Variants in CD99L2 observed in about 807,000 individuals in gnomAD.
CD99L2 encodes the protein CD99 antigen-like protein 2.
Under a neutral mutation model 27.3 loss-of-function variants are expected in CD99L2, and 24 were observed. The observed-to-expected ratio is 0.88, with a 90% CI of 0.64 to 1.24. The LOEUF (loss-of-function observed/expected upper bound fraction) is 1.24, where lower values mean the gene tolerates loss of function less well. Ranked by LOEUF, CD99L2 falls within the 50% of genes most tolerant of loss-of-function variation. The pLI, the probability that CD99L2 is intolerant of heterozygous loss-of-function variation, is 0.00. For missense variants in CD99L2, 255 were observed against 221.6 expected, an observed-to-expected ratio of 1.15 and a Z score of -0.96; for synonymous variants, 97 against 87.9, an observed-to-expected ratio of 1.10 and a Z score of -0.58.
intron 7 of CD99L2, among the ~76,000 whole-genome samples, chrX:150,779,159 C>T (rs1557419385): frequency 8.9e-6 from 1 of 112,120 alleles, no homozygotes; most frequent in African/African-American, 3.3e-5. Flanking sequence ...CACAAGACTG[C>T]GGAGCAACAG....
chrX:150,884,380 T>G (rs1252925573), intron 1 of CD99L2, among the ~76,000 whole-genome samples: 2 of 111,731 alleles, frequency 1.8e-5, no homozygotes, highest in African/African-American at 6.5e-5. Flanking sequence ...ATCCTAGGAT[T>G]AATATATAAG....
intron 7 of CD99L2, among the ~76,000 whole-genome samples, chrX:150,785,543 G>A (rs188590474): frequency 9.0e-5 from 10 of 110,728 alleles, no homozygotes; most frequent in East Asian, 2.9e-4. Context: ...AATCTTCCAC[G>A]TACCAGTGGA....
At chrX:150,816,666 A>C (rs2124185899) in intron 2 of CD99L2, among the ~76,000 whole-genome samples, 1 of 110,387 alleles carries the variant, frequency 9.1e-6, no homozygotes, top group Admixed American at 9.7e-5. Context: ...AGAACTAGAA[A>C]TACCATTTGA....
At chrX:150,845,003 G>T (rs782674666) in intron 1 of CD99L2, among the ~76,000 whole-genome samples, 27 of 112,424 alleles carry the variant, frequency 2.4e-4, no homozygotes, top group Non-Finnish European at 4.5e-4. Context: ...TATGTAGCAG[G>T]TTGCTTAATT....
At chrX:150,780,930 C>T (rs1603287432) in intron 7 of CD99L2, among the ~76,000 whole-genome samples, 1 of 112,181 alleles carries the variant, frequency 8.9e-6, no homozygotes, top group Non-Finnish European at 1.9e-5. Flanking sequence ...GTTGGCACAA[C>T]CTTAATGGAA....
At chrX:150,791,916 T>C (rs1569565907) in intron 7 of CD99L2, among the ~76,000 whole-genome samples, 2 of 111,659 alleles carry the variant, frequency 1.8e-5, no homozygotes, top group Non-Finnish European at 3.8e-5. Context: ...CACTCCAAAA[T>C]GTAGCTGAAT....
intron 6 of CD99L2, among the ~76,000 whole-genome samples, chrX:150,794,427 G>A (rs1292032910): frequency 1.8e-5 from 2 of 112,015 alleles, no homozygotes; most frequent in African/African-American, 3.3e-5. Context: ...GGAAACAGTG[G>A]GATAATAAAT....
chrX:150,779,643 C>T (rs954920690), intron 7 of CD99L2, among the ~76,000 whole-genome samples: 1 of 112,261 alleles, frequency 8.9e-6, no homozygotes, highest in African/African-American at 3.2e-5. Context: ...GCACACTGTG[C>T]AAAAGATGGT....
rs781892026 is a variant in CD99L2 at position 150,776,297 on chromosome X, C to T, written c.536-4G>A. The T allele has an allele frequency of 5.8e-6, 7 of 1,199,204 alleles. No individual in the cohort carries two copies. The highest frequency in any genetic ancestry group is 6.7e-6 in the Non-Finnish European group (6 of 889,757). On this transcript the variant is annotated splice_polypyrimidine_tract_variant and splice_region_variant and intron_variant, in intron 8 of 10. Coordinates refer to ENST00000370377, the MANE Select transcript of CD99L2 (RefSeq NM_031462.4). ...GTGCCAGGCTCTGCCACCATGCCTG[C>T]GTGAAGAAGGGGGAGAAATGAGGAC...
intron 1 of CD99L2, among the ~76,000 whole-genome samples, chrX:150,838,391 T>C (rs73609598): frequency 0.092 from 10,206 of 111,501 alleles, 663 homozygotes; most frequent in African/African-American, 0.23. Context: ...CTATATTGGT[T>C]CATTAACTGT....
chrX:150,815,637 G>C (rs1477010517), intron 3 of CD99L2, among the ~76,000 whole-genome samples: 1 of 112,334 alleles, frequency 8.9e-6, no homozygotes. Context: ...ACTGAAAGAT[G>C]ACACTGTAAA....
intron 1 of CD99L2, among the ~76,000 whole-genome samples, chrX:150,893,366 C>G (rs2047551473): frequency 1.8e-5 from 2 of 109,887 alleles, no homozygotes; most frequent in South Asian, 7.9e-4. Flanking sequence ...CTCGGGCAGG[C>G]AGGGTTAAGC....
At chrX:150,856,569 A>AAATAATAAT (rs10564205) in intron 1 of CD99L2, among the ~76,000 whole-genome samples, 5,670 of 98,602 alleles carry the variant, frequency 0.058, 163 homozygotes, top group South Asian at 0.11. Context: ...AGCCAGGCTA[A>AAATAATAAT]AATAATAATA....
At chrX:150,845,951 G>C (rs781834889) in intron 1 of CD99L2, among the ~76,000 whole-genome samples, 2 of 111,940 alleles carry the variant, frequency 1.8e-5, no homozygotes, top group Non-Finnish European at 3.8e-5. Flanking sequence ...AGCACTTTGG[G>C]AGACTGAGGC....
At chrX:150,831,372 T>A (rs1022911699) in intron 1 of CD99L2, 79 bp from the exon 2 acceptor site, 19 of 845,257 alleles carry the variant, frequency 2.2e-5, no homozygotes, top group Admixed American at 2.9e-5. Context: ...AATGGTCATT[T>A]CCCTTTAGAA....
At position 150,767,288 on chromosome X, in the gene CD99L2, CCTTA is replaced by C. The variant is rs1557418692; in HGVS notation, c.*1742_*1745del. 3 of 112,069 alleles carry C rather than the reference CCTTA, an allele frequency of 2.7e-5. No individual in the cohort carries two copies. The highest frequency in any genetic ancestry group is 9.8e-5 in the African/African-American group (3 of 30,733). The allele number at this position is 112,069 out of a possible 1,213,427, so 9.2% of individuals were successfully genotyped here. A position where few individuals can be genotyped will look rare whatever the true frequency, so the allele number is the denominator to read the frequency against. ...AGGCCAATCCTGCAAGCCACCCCAC[CCTTA>C]CTAACTTCCTGAAGCATGGGAAGCT... On this transcript the variant is annotated 3_prime_UTR_variant, in exon 11 of 11. Coordinates refer to ENST00000370377, the MANE Select transcript of CD99L2 (RefSeq NM_031462.4).
intron 1 of CD99L2, among the ~76,000 whole-genome samples, chrX:150,897,022 G>T (rs1355623254): frequency 8.9e-6 from 1 of 112,465 alleles, no homozygotes; most frequent in Non-Finnish European, 1.9e-5. Flanking sequence ...AAGACTTTCA[G>T]AAGACAGCTT....
intron 4 of CD99L2, among the ~76,000 whole-genome samples, chrX:150,812,330 A>G (rs782477909): frequency 2.7e-5 from 3 of 112,329 alleles, no homozygotes; most frequent in Non-Finnish European, 5.6e-5. Context: ...AATGTCTACA[A>G]TATTTAAGGA....
At chrX:150,892,174 T>C (rs1025684305) in intron 1 of CD99L2, among the ~76,000 whole-genome samples, 6 of 109,258 alleles carry the variant, frequency 5.5e-5, no homozygotes, top group African/African-American at 1.7e-4. Context: ...TGAGCCAAGA[T>C]CGCGCCATTG....
Sources: gnomAD v4.1 joint callset for allele counts (sites outside exome capture counted in the v4.1 genomes callset) on GRCh38, gnomAD v4.1.1 for gene constraint, MANE v1.5 for transcripts, NCBI Gene and HGNC (gene_info 2026-07-23, HGNC 2026-07-21) for gene names.